The following GSDMC variants were observed in gnomAD, a reference collection of about 807,000 sequenced individuals.
The protein encoded by GSDMC is gasdermin-C.
GSDMC carries 59 observed loss-of-function variants against 58.0 expected under a neutral mutation model. That is an observed-to-expected ratio of 1.02 (90% CI 0.82 to 1.26). The LOEUF is 1.26. GSDMC is among the 50% of genes most tolerant of loss of function. GSDMC has a pLI of 0.00. For missense variants in GSDMC, 659 were observed against 598.5 expected (o/e 1.10, Z -1.06); for synonymous variants, 241 against 220.2 (o/e 1.09, Z -0.83).
chr8:129,731,080 C>G, the GSDMC span, among the ~76,000 whole-genome samples: 2 of 152,072 alleles, frequency 1.3e-5, no homozygotes, highest in Non-Finnish European at 2.9e-5. Flanking sequence ...AATACCCAGC[C>G]AGGAGACAGA....
the GSDMC span, among the ~76,000 whole-genome samples, chr8:129,715,827 GT>G: frequency 2.6e-5 from 4 of 152,056 alleles, no homozygotes; most frequent in Non-Finnish European, 1.5e-5. Flanking sequence ...AAACTAATCT[GT>G]TTAAGCAAAA....
chr8:129,786,097 G>A lies in GSDMC; in HGVS notation c.-91C>T, dbSNP rs1265933637. ...CGTCTGTAATCCCAGCACTTTGGGAGGCTGAGGCCGGTGGATCACGAGGTC... is the reference window on the plus strand; with the variant it reads ...CGTCTGTAATCCCAGCACTTTGGGAAGCTGAGGCCGGTGGATCACGAGGTC... On this transcript the variant is annotated 5_prime_UTR_variant, in exon 1 of 14. Transcript: ENST00000276708. The A allele has an allele frequency of 2.6e-5, 4 of 152,382 alleles. No homozygotes were observed. The highest frequency in any genetic ancestry group is 5.9e-5 in the Non-Finnish European group (4 of 68,206). The allele number at this position is 152,382 out of a possible 1,614,324, so 9.4% of individuals were successfully genotyped here. A position where few individuals can be genotyped will look rare whatever the true frequency, so the allele number is the denominator to read the frequency against.
chr8:129,732,728 G>T, the GSDMC span, among the ~76,000 whole-genome samples: 1 of 152,252 alleles, frequency 6.6e-6, no homozygotes, highest in African/African-American at 2.4e-5. Flanking sequence ...CCGGTCTGCA[G>T]TTCCCAGTGT....
the GSDMC span, among the ~76,000 whole-genome samples, chr8:129,722,033 C>A: frequency 4.6e-5 from 7 of 151,950 alleles, no homozygotes; most frequent in African/African-American, 1.7e-4. Flanking sequence ...GCTAGTTGGC[C>A]AAAAAAATTA....
the GSDMC span, chr8:129,729,733 C>T: frequency 8.0e-5 from 45 of 561,316 alleles, no homozygotes; most frequent in Middle Eastern, 4.8e-4. Flanking sequence ...GGGTTGGTTC[C>T]GAGTCTTTGC....
the GSDMC span, among the ~76,000 whole-genome samples, chr8:129,719,696 A>G: frequency 0.025 from 3,788 of 152,262 alleles, 64 homozygotes; most frequent in Middle Eastern, 0.14. Context: ...TGTAATTCCA[A>G]AACTTTGGGA....
chr8:129,707,147 G>A, the GSDMC span: 6 of 151,200 alleles, frequency 4.0e-5, no homozygotes, highest in African/African-American at 1.5e-4. Context: ...GTGATCAGAT[G>A]GAAAGAACCA....
the GSDMC span, among the ~76,000 whole-genome samples, chr8:129,726,296 A>C: frequency 5.3e-5 from 8 of 152,142 alleles, no homozygotes; most frequent in African/African-American, 1.9e-4. Context: ...ATAAAAGGAG[A>C]CCAGTGTTAG....
the GSDMC span, among the ~76,000 whole-genome samples, chr8:129,720,061 A>C: frequency 6.6e-6 from 1 of 152,188 alleles, no homozygotes; most frequent in South Asian, 2.1e-4. Context: ...ATTCGAAACA[A>C]TATGTAAAAG....
chr8:129,717,536 G>A, the GSDMC span, among the ~76,000 whole-genome samples: 1 of 152,006 alleles, frequency 6.6e-6, no homozygotes, highest in African/African-American at 2.4e-5. Context: ...CAAACAAATG[G>A]AAAAACATTC....
chr8:129,775,213 C>T (rs771615834), intron 3 of GSDMC, among the ~76,000 whole-genome samples: 24 of 152,142 alleles, frequency 1.6e-4, no homozygotes, highest in Middle Eastern at 3.4e-3. Flanking sequence ...TATGTGTATA[C>T]GACGGAATAT....
downstream of GSDMC, among the ~76,000 whole-genome samples, chr8:129,746,942 T>C (rs940366481): frequency 1.3e-5 from 2 of 152,154 alleles, no homozygotes; most frequent in Admixed American, 6.5e-5. Flanking sequence ...AAATGACTGA[T>C]ACTTACCAAT....
the GSDMC span, among the ~76,000 whole-genome samples, chr8:129,711,952 G>A: frequency 6.6e-6 from 1 of 152,122 alleles, no homozygotes; most frequent in African/African-American, 2.4e-5. Flanking sequence ...GTCACAGCAT[G>A]CTACTAGAAA....
At chr8:129,738,251 C>G in the GSDMC span, among the ~76,000 whole-genome samples, 1 of 152,190 alleles carries the variant, frequency 6.6e-6, no homozygotes, top group South Asian at 2.1e-4. Flanking sequence ...TTGTGGAAGA[C>G]AGTGTGGCGA....
At chr8:129,728,014 A>G in the GSDMC span, among the ~76,000 whole-genome samples, 1 of 152,030 alleles carries the variant, frequency 6.6e-6, no homozygotes, top group Non-Finnish European at 1.5e-5. Flanking sequence ...ACTCCACCCC[A>G]GACAGAAATC....
chr8:129,735,732 T>A, the GSDMC span, among the ~76,000 whole-genome samples: 1 of 151,820 alleles, frequency 6.6e-6, no homozygotes, highest in Non-Finnish European at 1.5e-5. Context: ...CACCCTAACA[T>A]CACAATTAAA....
chr8:129,780,727 G>C (rs1003835899), intron 1 of GSDMC, among the ~76,000 whole-genome samples: 1 of 152,136 alleles, frequency 6.6e-6, no homozygotes, highest in Non-Finnish European at 1.5e-5. Flanking sequence ...GTAGTAGGAA[G>C]CACACAGAAA....
intron 3 of GSDMC, among the ~76,000 whole-genome samples, chr8:129,774,528 C>CA (rs34881340): frequency 0.2 from 23,769 of 119,324 alleles, 2,133 homozygotes; most frequent in Admixed American, 0.25. Flanking sequence ...GCAACAGCAG[C>CA]AAAAAAAAAA....
intron 6 of GSDMC, among the ~76,000 whole-genome samples, chr8:129,753,119 C>A (rs2033282833): frequency 6.6e-6 from 1 of 152,132 alleles, no homozygotes; most frequent in South Asian, 2.1e-4. Context: ...AGGCTCAGAG[C>A]CAGAGGACTA....
Sources: allele counts gnomAD v4.1 joint callset (sites outside exome capture counted in the v4.1 genomes callset), GRCh38; gene constraint gnomAD v4.1.1; transcripts MANE v1.5; gene names NCBI Gene and HGNC (gene_info 2026-07-23, HGNC 2026-07-21).